Variants in KLHL29 observed in about 807,000 individuals in gnomAD.
KLHL29 encodes kelch like family member 29.
Under a neutral mutation model 80.4 loss-of-function variants are expected in KLHL29, and 21 were observed. That is an observed-to-expected ratio of 0.26 (90% CI 0.19 to 0.38). The LOEUF (loss-of-function observed/expected upper bound fraction) is 0.38. KLHL29 is among the 10% of genes least tolerant of loss of function. The probability of loss-of-function intolerance (pLI) is 1.00; values close to 1 mark genes in which losing one functional copy is unlikely to be tolerated. For synonymous variants in KLHL29, 511 were observed against 526.8 expected (o/e 0.97, Z 0.41); for missense variants, 867 against 1,223.9 (o/e 0.71, Z 4.35).
chr2:23,485,132 T>A (rs1458158006), intron 2 of KLHL29, among the ~76,000 whole-genome samples: 1 of 152,132 alleles, frequency 6.6e-6, no homozygotes, highest in Non-Finnish European at 1.5e-5. Context: ...CCAAACACCC[T>A]ACACAGGCTG....
chr2:23,655,300 T>C (rs575386372), intron 5 of KLHL29, among the ~76,000 whole-genome samples: 1 of 152,188 alleles, frequency 6.6e-6, no homozygotes, highest in African/African-American at 2.4e-5. Flanking sequence ...GAGCCAGTCA[T>C]CCTATGAAGG....
chr2:23,562,115 G>A lies in KLHL29; in HGVS notation c.-45-37G>A. On this transcript the variant is annotated intron_variant, in intron 2 of 13. Coordinates refer to ENST00000486442, the MANE Select transcript of KLHL29 (RefSeq NM_052920.2). The surrounding 1 kb of genome is among the most constrained non-coding windows in gnomAD (Gnocchi z 4.5). ...CTGTCAGTTGTCGCTGCCTGCTCCA[G>A]TCCTAAATCACCCTTCTCTCCACCC... 5 of 1,511,936 alleles carry A rather than the reference G, an allele frequency of 3.3e-6. No individual in the cohort carries two copies. The highest frequency in any genetic ancestry group is 4.5e-6 in the Non-Finnish European group (5 of 1,121,580). 93.7% of individuals were successfully genotyped at this position (1,511,936 alleles called of 1,614,324 possible).
chr2:23,391,975 A>T (rs1666332490), intron 1 of KLHL29, among the ~76,000 whole-genome samples: 1 of 152,200 alleles, frequency 6.6e-6, no homozygotes, highest in Non-Finnish European at 1.5e-5. Flanking sequence ...CTTCCTGTCC[A>T]CGTTGAAGTC....
At chr2:23,518,146 G>T (rs1665995951) in intron 2 of KLHL29, among the ~76,000 whole-genome samples, 1 of 152,188 alleles carries the variant, frequency 6.6e-6, no homozygotes, top group Non-Finnish European at 1.5e-5. Context: ...AGTCCGGTGG[G>T]CTGGGGGCCA....
chr2:23,638,592 C>T (rs1669681531), intron 3 of KLHL29, among the ~76,000 whole-genome samples: 1 of 152,186 alleles, frequency 6.6e-6, no homozygotes, highest in African/African-American at 2.4e-5. Context: ...GACAATTGGG[C>T]CTCAGAGGCT....
At chr2:23,555,586 G>A (rs1032786365) in intron 2 of KLHL29, among the ~76,000 whole-genome samples, 1 of 152,254 alleles carries the variant, frequency 6.6e-6, no homozygotes, top group Admixed American at 6.5e-5. Context: ...GGAACGGGCA[G>A]CCTGAGGGGA....
chr2:23,533,202 T>C (rs1220717877), intron 2 of KLHL29, among the ~76,000 whole-genome samples: 2 of 152,010 alleles, frequency 1.3e-5, no homozygotes, highest in Admixed American at 1.3e-4. Context: ...AAACCATGCG[T>C]ATGTGTGAGT....
intron 3 of KLHL29, among the ~76,000 whole-genome samples, chr2:23,631,586 G>A (rs1005181355): frequency 1.2e-4 from 18 of 152,246 alleles, no homozygotes; most frequent in Non-Finnish European, 1.8e-4. Flanking sequence ...AGAGAGGGCA[G>A]CCTCGTTAAT....
chr2:23,392,209 C>T (rs1666337436), intron 1 of KLHL29, among the ~76,000 whole-genome samples: 1 of 152,162 alleles, frequency 6.6e-6, no homozygotes, highest in African/African-American at 2.4e-5. Context: ...GCAGCAACCC[C>T]TAGAGATCTC....
At chr2:23,675,258 T>C (rs989504921) in intron 5 of KLHL29, among the ~76,000 whole-genome samples, 4 of 152,154 alleles carry the variant, frequency 2.6e-5, no homozygotes, top group African/African-American at 9.7e-5. Flanking sequence ...GTGCTGCTAG[T>C]GTCAACCAAA....
At chr2:23,480,452 A>C (rs1252799269) in intron 2 of KLHL29, among the ~76,000 whole-genome samples, 6 of 151,680 alleles carry the variant, frequency 4.0e-5, no homozygotes, top group Non-Finnish European at 8.8e-5. Flanking sequence ...GCACCACTGC[A>C]CCACTCCACC....
intron 1 of KLHL29, among the ~76,000 whole-genome samples, chr2:23,452,399 A>G (rs1278779654): frequency 6.6e-6 from 1 of 152,018 alleles, no homozygotes; most frequent in East Asian, 1.9e-4. Flanking sequence ...TTCACAAGGG[A>G]TCCTCCAGGG....
chr2:23,431,680 T>A (rs918656010), intron 1 of KLHL29, among the ~76,000 whole-genome samples: 3 of 152,084 alleles, frequency 2.0e-5, no homozygotes, highest in African/African-American at 7.2e-5. Context: ...ATCATTGAGG[T>A]CAGGAGATCG....
intron 3 of KLHL29, among the ~76,000 whole-genome samples, chr2:23,637,706 C>A (rs1482464665): frequency 6.6e-6 from 1 of 152,150 alleles, no homozygotes; most frequent in Non-Finnish European, 1.5e-5. Context: ...GCATCCACAC[C>A]CCCTTTCTGT....
rs1014289354 is a variant in KLHL29, at chr2:23,503,398, C to A, written c.-46+27731C>A. On this transcript the variant is annotated intron_variant, in intron 2 of 13. Transcript: ENST00000486442. The surrounding 1 kb of genome is among the most constrained non-coding windows in gnomAD (Gnocchi z 4.0). ...ATGGCTCTATAATTCTCTTTGTTATCTTTGGCCACTTACATGTTTGCCATG... is the reference window on the plus strand; with the variant it reads ...ATGGCTCTATAATTCTCTTTGTTATATTTGGCCACTTACATGTTTGCCATG... Among the ~76,000 whole-genome samples the A allele has an allele frequency of 2.0e-5, 3 of 152,220 alleles. No homozygotes were observed. The highest frequency in any genetic ancestry group is 7.2e-5 in the African/African-American group (3 of 41,452).
At chr2:23,525,235 G>A (rs777162844) in intron 2 of KLHL29, among the ~76,000 whole-genome samples, 7 of 152,220 alleles carry the variant, frequency 4.6e-5, no homozygotes, top group Non-Finnish European at 7.3e-5. Flanking sequence ...CCAGGCCCAC[G>A]CCTGGAAGAG....
chr2:23,657,407 G>A (rs1670276670), intron 5 of KLHL29, among the ~76,000 whole-genome samples: 1 of 152,084 alleles, frequency 6.6e-6, no homozygotes, highest in African/African-American at 2.4e-5. Context: ...AACACAGTAG[G>A]CAAAGCCCAC....
At chr2:23,453,557 G>T (rs1367009752) in intron 1 of KLHL29, among the ~76,000 whole-genome samples, 1 of 152,228 alleles carries the variant, frequency 6.6e-6, no homozygotes, top group Admixed American at 6.5e-5. Flanking sequence ...TTCCCCTGGA[G>T]CCGGAGCCCC....
Position 23,684,361 on chromosome 2 carries a change from A to G in KLHL29, c.941-38A>G, listed in dbSNP as rs1286323902. On this transcript the variant is annotated intron_variant, in intron 5 of 13. Transcript: ENST00000486442. This position sits in a 1 kb window ranked among gnomAD's most constrained non-coding sequence, Gnocchi z 4.4. ...TTAATTAAAAAAAAAAAAACTCTTA[A>G]TGGGAACCTGGCCCTGTCTGTCTTC... 7.4e-7 allele frequency: 1 copy of G among 1,352,450 alleles called. No homozygotes were observed. Among genetic ancestry groups the G allele is most frequent in the South Asian group, 2.0e-5 (1 of 49,384 alleles). The allele number at this position is 1,352,450 out of a possible 1,614,324, so 83.8% of individuals were successfully genotyped here.
Sources: allele counts gnomAD v4.1 joint callset (sites outside exome capture counted in the v4.1 genomes callset), GRCh38; gene constraint gnomAD v4.1.1; non-coding constraint Gnocchi (gnomAD v3.1); transcripts MANE v1.5; gene names NCBI Gene and HGNC (gene_info 2026-07-23, HGNC 2026-07-21).